The following RBFOX1 variants were observed in gnomAD, a reference collection of about 807,000 sequenced individuals.
RBFOX1 encodes the protein RNA binding fox-1 homolog 1.
A neutral mutation model predicts 57.7 loss-of-function variants in RBFOX1; 8 were observed. The ratio of observed to expected loss-of-function variants is 0.14; its 90% CI spans 0.08 to 0.25. The LOEUF is 0.25. Ranked by LOEUF, RBFOX1 falls within the 10% of genes least tolerant of loss-of-function variation. The pLI is 1.00. For synonymous variants in RBFOX1, 326 were observed against 222.4 expected, an observed-to-expected ratio of 1.47 and a Z score of -4.15; for missense variants, 611 against 548.5, an observed-to-expected ratio of 1.11 and a Z score of -1.14.
At chr16:7,125,765 A>T (rs1459853251) in intron 4 of RBFOX1, among the ~76,000 whole-genome samples, 1 of 152,076 alleles carries the variant, frequency 6.6e-6, no homozygotes, top group Non-Finnish European at 1.5e-5. Context: ...GGCCAAGGAT[A>T]TGACTGCAAA....
At chr16:6,943,586 T>A (rs1351925949) in intron 3 of RBFOX1, among the ~76,000 whole-genome samples, 1 of 151,850 alleles carries the variant, frequency 6.6e-6, no homozygotes, top group South Asian at 2.1e-4. Context: ...CGGGTGCCTG[T>A]AGTCCCAGCT....
At chr16:6,893,536 T>C (rs1344863325) in intron 3 of RBFOX1, among the ~76,000 whole-genome samples, 1 of 151,888 alleles carries the variant, frequency 6.6e-6, no homozygotes, top group Non-Finnish European at 1.5e-5. Context: ...GAAAGTGGAG[T>C]TCTGAATCAA....
chr16:5,976,262 C>T (rs187133590), intron 4 of RBFOX1, among the ~76,000 whole-genome samples: 63 of 152,276 alleles, frequency 4.1e-4, no homozygotes, highest in African/African-American at 1.4e-3. Context: ...TACAAGAAAA[C>T]AACAGCAGCA....
intron 14 of RBFOX1, among the ~76,000 whole-genome samples, chr16:7,684,569 C>G (rs2075648302): frequency 6.6e-6 from 1 of 151,710 alleles, no homozygotes; most frequent in East Asian, 1.9e-4. Flanking sequence ...ATATGCCACA[C>G]ATATGATAAG....
At chr16:7,575,457 G>C (rs2093241764) in intron 5 of RBFOX1, among the ~76,000 whole-genome samples, 2 of 152,080 alleles carry the variant, frequency 1.3e-5, no homozygotes, top group African/African-American at 4.8e-5. Context: ...AGAAGAAAAA[G>C]GAAGAGGGAA....
intron 2 of RBFOX1, among the ~76,000 whole-genome samples, chr16:6,422,675 C>T (rs1039666798): frequency 3.9e-5 from 6 of 152,176 alleles, no homozygotes; most frequent in South Asian, 2.1e-4. Flanking sequence ...ACAAGAGGGG[C>T]GGCGCTGAAC....
chr16:6,553,844 C>A (rs2097041278), intron 2 of RBFOX1, among the ~76,000 whole-genome samples: 1 of 152,096 alleles, frequency 6.6e-6, no homozygotes, highest in African/African-American at 2.4e-5. Flanking sequence ...CAAATCTCAT[C>A]ATGAATTGAC....
chr16:7,587,021 C>T (rs975758775), intron 6 of RBFOX1, among the ~76,000 whole-genome samples: 8 of 152,154 alleles, frequency 5.3e-5, no homozygotes, highest in African/African-American at 1.7e-4. Context: ...GAATTAACCT[C>T]TTGATTAATA....
At chr16:7,299,156 A>T (rs1054594927) in intron 4 of RBFOX1, among the ~76,000 whole-genome samples, 2 of 152,204 alleles carry the variant, frequency 1.3e-5, no homozygotes, top group Non-Finnish European at 2.9e-5. Context: ...TTTGACTCCC[A>T]CCATCTGTGT....
At chr16:6,197,259 G>A (rs1453008764) in intron 1 of RBFOX1, among the ~76,000 whole-genome samples, 2 of 152,026 alleles carry the variant, frequency 1.3e-5, no homozygotes, top group Non-Finnish European at 2.9e-5. Context: ...GAGATTTCTA[G>A]TTCCAGTGTT....
chr16:6,602,449 G>A (rs542452938), intron 2 of RBFOX1, among the ~76,000 whole-genome samples: 79 of 152,302 alleles, frequency 5.2e-4, no homozygotes, highest in South Asian at 8.3e-4. Context: ...AGGGAAGGCA[G>A]GTGAATCTCA....
At chr16:5,875,128 C>T (rs2057571646) in intron 4 of RBFOX1, among the ~76,000 whole-genome samples, 2 of 152,210 alleles carry the variant, frequency 1.3e-5, no homozygotes, top group Non-Finnish European at 2.9e-5. Flanking sequence ...ATAGCAACAG[C>T]AGCAGCAGCG....
intron 4 of RBFOX1, among the ~76,000 whole-genome samples, chr16:5,939,227 C>G (rs1379501682): frequency 6.6e-6 from 1 of 152,128 alleles, no homozygotes; most frequent in Non-Finnish European, 1.5e-5. Context: ...TACCCTAGAA[C>G]TTAAAGTATA....
chr16:7,063,758 G>C (rs912255825), intron 4 of RBFOX1, among the ~76,000 whole-genome samples: 1 of 152,170 alleles, frequency 6.6e-6, no homozygotes, highest in African/African-American at 2.4e-5. Flanking sequence ...CAGACTTTTT[G>C]TCATCATTCC....
chr16:7,490,130 A>G (rs1001193081), intron 4 of RBFOX1, among the ~76,000 whole-genome samples: 5 of 152,218 alleles, frequency 3.3e-5, no homozygotes, highest in Admixed American at 3.3e-4. Flanking sequence ...AGGAGGCTGC[A>G]GAACTTCCTT....
intron 3 of RBFOX1, among the ~76,000 whole-genome samples, chr16:6,974,627 G>C (rs1424690870): frequency 6.6e-6 from 1 of 152,106 alleles, no homozygotes; most frequent in Non-Finnish European, 1.5e-5. Context: ...TTACAGGCGT[G>C]AGTCACTGCA....
At chr16:5,681,948 T>C (rs967705883) in intron 3 of RBFOX1, among the ~76,000 whole-genome samples, 1 of 151,986 alleles carries the variant, frequency 6.6e-6, no homozygotes, top group African/African-American at 2.4e-5. Flanking sequence ...GTCTGACTAT[T>C]TTTCTTGGAG....
chr16:7,489,029 A>G lies in RBFOX1; in HGVS notation c.28-29118A>G, dbSNP rs141817659. 8.1e-3 allele frequency among the ~76,000 whole-genome samples: 1,231 copies of G among 152,200 alleles called. 9 individuals carry two copies. Among genetic ancestry groups the G allele is most frequent in the Non-Finnish European group, 0.013 (907 of 68,018 alleles). ...ATTATATCTACCTACCTATGCATCT[A>G]TCTCTATCTTTATAAAATCTTGCTG... On this transcript the variant is annotated intron_variant, in intron 4 of 15. Coordinates refer to ENST00000550418, the MANE Select transcript of RBFOX1 (RefSeq NM_018723.4).
At chr16:6,826,468 A>G (rs898320163) in intron 3 of RBFOX1, among the ~76,000 whole-genome samples, 2 of 152,150 alleles carry the variant, frequency 1.3e-5, no homozygotes, top group African/African-American at 4.8e-5. Context: ...AGGCTTAGAG[A>G]TGAGAAAATA....
Sources: gnomAD v4.1 joint callset for allele counts (sites outside exome capture counted in the v4.1 genomes callset) on GRCh38, gnomAD v4.1.1 for gene constraint, MANE v1.5 for transcripts, NCBI Gene and HGNC (gene_info 2026-07-23, HGNC 2026-07-21) for gene names.